LYRM9: variants seen among roughly 807,000 people sequenced by gnomAD.
LYRM9 encodes LYR motif-containing protein 9.
LYRM9 carries 14 observed loss-of-function variants against 12.6 expected under a neutral mutation model. The ratio of observed to expected loss-of-function variants is 1.11; its 90% CI spans 0.73 to 1.73. LYRM9 has a LOEUF of 1.73. LYRM9 is among the 40% of genes most tolerant of loss of function. The pLI, the probability that LYRM9 is intolerant of heterozygous loss-of-function variation, is 0.00. For missense variants in LYRM9, 94 were observed against 95.0 expected (o/e 0.99, Z 0.04); for synonymous variants, 42 against 35.1 (o/e 1.20, Z -0.69).
chr17:27,885,853 A>G (rs965016987), intron 1 of LYRM9, among the ~76,000 whole-genome samples: 1 of 152,124 alleles, frequency 6.6e-6, no homozygotes, highest in African/African-American at 2.4e-5. Context: ...TTGTATCTCA[A>G]AGGGTACTAA....
chr17:27,880,492 T>C lies in LYRM9; in HGVS notation c.127-126A>G, dbSNP rs113636804. The C allele has an allele frequency of 4.0e-3, 2,592 of 651,432 alleles. 15 individuals carry two copies. Among genetic ancestry groups the C allele is most frequent in the South Asian group, 0.012 (644 of 54,344 alleles). 40.4% of individuals were successfully genotyped at this position (651,432 alleles called of 1,614,324 possible). On this transcript the variant is annotated intron_variant, in intron 2 of 3. Coordinates refer to ENST00000379102, the MANE Select transcript of LYRM9 (RefSeq NM_001076680.3). ...ACCCAGCAGCTCTCTTCATCCTCCA[T>C]AGACTGTTATGATTATCCCACACAG...
intron 1 of LYRM9, chr17:27,892,603 C>G: frequency 3.0e-6 from 1 of 336,532 alleles, no homozygotes; most frequent in Middle Eastern, 4.0e-4. Flanking sequence ...GGCAAAAGTA[C>G]AGAGACAGAA....
In LYRM9 at chr17:27,886,239, A is replaced by T. The variant is rs1905228217; in HGVS notation, c.-18-3527T>A. ...TGTTTCATTACTTAAAAACTCAAGCAATACTTAGTAACCAACCCAGCAAGT... is the reference window on the plus strand; with the variant it reads ...TGTTTCATTACTTAAAAACTCAAGCTATACTTAGTAACCAACCCAGCAAGT... On this transcript the variant is annotated intron_variant, in intron 1 of 3. Coordinates refer to ENST00000379102, the MANE Select transcript of LYRM9 (RefSeq NM_001076680.3). The surrounding 1 kb of genome is among the most constrained non-coding windows in gnomAD (Gnocchi z 4.8). Among the ~76,000 whole-genome samples, 1 of 152,204 alleles carries T rather than the reference A, an allele frequency of 6.6e-6. No individual in the cohort carries two copies. The highest frequency in any genetic ancestry group is 1.5e-5 in the Non-Finnish European group (1 of 68,034).
At chr17:27,879,943 C>G (rs1904988075) in intron 3 of LYRM9, 4 of 609,888 alleles carry the variant, frequency 6.6e-6, no homozygotes, top group African/African-American at 1.9e-5. Flanking sequence ...CAGCTTCCCT[C>G]TCTGCGGCAT....
chr17:27,879,700 A>G (rs546939837), intron 3 of LYRM9: 11 of 565,364 alleles, frequency 1.9e-5, no homozygotes, highest in Admixed American at 3.3e-5. Context: ...GGAAGCTGAC[A>G]GGGCTGGGGA....
rs1412303833 is a variant in LYRM9, at chr17:27,882,678, C to T, written c.17G>A (p.Gly6Glu). Residue 6 changes from glycine (G) to glutamate (E), a missense_variant, in exon 2 of 4, where the codon GGA (glycine) becomes GAA (glutamate). Gly to Glu is a moderately conservative substitution (Grantham distance 98). Coordinates refer to ENST00000379102, the MANE Select transcript of LYRM9 (RefSeq NM_001076680.3). ...CAGTGGCCTCCGAACCAGTTCTGCT[C>T]CTGGCAGCGGGGCCATCCGTGAGAC... MAPLP[G>E]AELVRRPLQL... The T allele has an allele frequency of 6.2e-7, 1 of 1,604,118 alleles. No homozygotes were observed. The highest frequency in any genetic ancestry group is 1.3e-5 in the African/African-American group (1 of 74,724).
chr17:27,891,564 G>A (rs1489639158), intron 1 of LYRM9, among the ~76,000 whole-genome samples: 6 of 152,114 alleles, frequency 3.9e-5, no homozygotes, highest in Non-Finnish European at 5.9e-5. Flanking sequence ...CCTGCCTCAA[G>A]AATTCCCCTT....
intron 3 of LYRM9, chr17:27,879,772 C>T (rs770019207): frequency 1.1e-5 from 6 of 544,770 alleles, no homozygotes; most frequent in South Asian, 2.3e-5. Flanking sequence ...TATGGTCACA[C>T]TCCAACTCTC....
At chr17:27,892,634 G>A in intron 1 of LYRM9, 1 of 323,832 alleles carries the variant, frequency 3.1e-6, no homozygotes, top group East Asian at 8.4e-5. Context: ...GGTTGCCTAG[G>A]GCTGGGAGAA....
chr17:27,885,417 A>G (rs1462387455), intron 1 of LYRM9, among the ~76,000 whole-genome samples: 1 of 152,046 alleles, frequency 6.6e-6, no homozygotes, highest in Non-Finnish European at 1.5e-5. Context: ...ACAAGCCCAA[A>G]TAACGTATTT....
In LYRM9 at chr17:27,892,884, T is replaced by C. The variant is rs115063805; in HGVS notation, c.-19+433A>G. ...GAAAGGGTTTTGGCCACGGAGCAAC[T>C]TGCTCTTACGCAGAAGCATAAATCA... is the stretch of plus-strand genomic sequence containing the variant. On this transcript the variant is annotated intron_variant, in intron 1 of 3. Coordinates refer to ENST00000379102, the MANE Select transcript of LYRM9 (RefSeq NM_001076680.3). 636 of 153,664 alleles carry C rather than the reference T, an allele frequency of 4.1e-3. 6 individuals carry two copies. Among genetic ancestry groups the C allele is most frequent in the African/African-American group, 0.014 (599 of 41,578 alleles). The allele number at this position is 153,664 out of a possible 1,614,324, so 9.5% of individuals were successfully genotyped here. A position where few individuals can be genotyped will look rare whatever the true frequency, so the allele number is the denominator to read the frequency against.
chr17:27,880,711 G>A (rs964045617), intron 2 of LYRM9: 1 of 304,288 alleles, frequency 3.3e-6, no homozygotes, highest in East Asian at 7.4e-5. Flanking sequence ...CTCTTCCTCA[G>A]AAGACGCTGC....
intron 2 of LYRM9, among the ~76,000 whole-genome samples, chr17:27,881,452 T>A (rs1905055460): frequency 6.6e-6 from 1 of 151,240 alleles, no homozygotes; most frequent in Non-Finnish European, 1.5e-5. Flanking sequence ...TTTTTTTTTT[T>A]ACTTTCCATA....
intron 2 of LYRM9, chr17:27,881,363 T>G (rs1307584592): frequency 6.8e-6 from 1 of 148,084 alleles, no homozygotes; most frequent in African/African-American, 2.5e-5. Flanking sequence ...TGGCATGCCC[T>G]CCTTGACTCC....
intron 1 of LYRM9, chr17:27,892,255 T>C (rs1333332820): frequency 5.5e-6 from 2 of 363,286 alleles, no homozygotes; most frequent in Admixed American, 3.8e-5. Flanking sequence ...TTTCCTACTT[T>C]ATTTGGCTTT....
In LYRM9 at chr17:27,880,433, A is replaced by G. The variant is rs376352375; in HGVS notation, c.127-67T>C. On this transcript the variant is annotated intron_variant, in intron 2 of 3. Coordinates refer to ENST00000379102, the MANE Select transcript of LYRM9 (RefSeq NM_001076680.3). ...CCAGGACAGGCAGCTTCAGAGCACC[A>G]ATCACAGGCCAGGGACACTGCTGGG... 85 of 1,180,114 alleles carry G rather than the reference A, an allele frequency of 7.2e-5. 1 individual carries two copies. In the East Asian group the frequency reaches 1.3e-3, roughly 18 times the overall value. The allele number at this position is 1,180,114 out of a possible 1,614,324, so 73.1% of individuals were successfully genotyped here.
chr17:27,882,564 C>A lies in LYRM9; in HGVS notation c.126+5G>T. 1 of 1,579,140 alleles carries A rather than the reference C, an allele frequency of 6.3e-7. No individual in the cohort carries two copies. Among genetic ancestry groups the A allele is most frequent in the Non-Finnish European group, 8.6e-7 (1 of 1,163,716 alleles). ...GCCCCCAGACCTGGTAGAGCCAGCT[C>A]GCACCTGCCTGACAGCATGCTTGTA... On this transcript the variant is annotated splice_donor_5th_base_variant and intron_variant, in intron 2 of 3. Transcript: ENST00000379102.
chr17:27,892,288 T>G (rs1597598079), intron 1 of LYRM9: 1 of 397,068 alleles, frequency 2.5e-6, no homozygotes, highest in East Asian at 7.4e-5. Context: ...GACTGTAAGC[T>G]TCTGAAGAAC....
At chr17:27,891,994 T>C (rs928394114) in intron 1 of LYRM9, 11 of 150,872 alleles carry the variant, frequency 7.3e-5, no homozygotes, top group African/African-American at 2.5e-4. Context: ...TACAGTAGCA[T>C]GATCAGGGAT....
Sources: allele counts gnomAD v4.1 joint callset (sites outside exome capture counted in the v4.1 genomes callset), GRCh38; gene constraint gnomAD v4.1.1; non-coding constraint Gnocchi (gnomAD v3.1); transcripts MANE v1.5; gene names NCBI Gene and HGNC (gene_info 2026-07-23, HGNC 2026-07-21).